Variants in ANO3 observed in about 807,000 individuals in gnomAD.
The protein encoded by ANO3 is anoctamin 3.
In ANO3, 99 loss-of-function variants were observed where a neutral mutation model predicts 144.8. The observed-to-expected ratio is 0.68, with a 90% CI of 0.58 to 0.81. ANO3 has a LOEUF of 0.81. Ranked by LOEUF, ANO3 falls within the 30% of genes least tolerant of loss-of-function variation. The pLI is 0.00. For synonymous variants in ANO3, 414 were observed against 392.6 expected, an observed-to-expected ratio of 1.05 and a Z score of -0.64; for missense variants, 905 against 1,202.2, an observed-to-expected ratio of 0.75 and a Z score of 3.66.
upstream of ANO3, among the ~76,000 whole-genome samples, chr11:26,329,158 T>C (rs932616222): frequency 1.3e-5 from 2 of 152,168 alleles, no homozygotes; most frequent in Non-Finnish European, 2.9e-5. Flanking sequence ...TATCCATTCT[T>C]AAACTGTCCA....
chr11:26,381,401 A>G (rs1292037417), intron 1 of ANO3, among the ~76,000 whole-genome samples: 1 of 152,168 alleles, frequency 6.6e-6, no homozygotes. Flanking sequence ...ACTCATCATC[A>G]GTTAGGCCTC....
chr11:26,517,533 A>C (rs1861907350), intron 6 of ANO3, among the ~76,000 whole-genome samples: 1 of 151,976 alleles, frequency 6.6e-6, no homozygotes, highest in African/African-American at 2.4e-5. Flanking sequence ...ATCATTTCTC[A>C]CAGTAAAATT....
At chr11:26,450,626 T>C (rs1342547836) in intron 3 of ANO3, among the ~76,000 whole-genome samples, 1 of 152,176 alleles carries the variant, frequency 6.6e-6, no homozygotes, top group African/African-American at 2.4e-5. Flanking sequence ...ACTACTTGGG[T>C]ACACACCATC....
At chr11:26,484,806 G>T (rs756450786) in intron 4 of ANO3, among the ~76,000 whole-genome samples, 2 of 151,970 alleles carry the variant, frequency 1.3e-5, no homozygotes, top group African/African-American at 4.8e-5. Context: ...TATGCCCAAG[G>T]TCTTGGGAGC....
intron 14 of ANO3, among the ~76,000 whole-genome samples, chr11:26,593,486 G>A (rs556003159): frequency 8.5e-5 from 13 of 152,244 alleles, no homozygotes; most frequent in African/African-American, 2.4e-4. Context: ...AGAAGGCCGC[G>A]CCAGTGTCCT....
intron 14 of ANO3, among the ~76,000 whole-genome samples, chr11:26,574,457 G>C (rs1463806549): frequency 6.6e-6 from 1 of 152,122 alleles, no homozygotes; most frequent in African/African-American, 2.4e-5. Context: ...TTCACTGATA[G>C]CATATTTAGT....
intron 16 of ANO3, 76 bp from the exon 17 acceptor site, chr11:26,599,474 A>G: frequency 1.4e-6 from 2 of 1,438,068 alleles, no homozygotes; most frequent in East Asian, 2.3e-5. Context: ...GGGACAGTAG[A>G]TTTGATCTAC....
At chr11:26,419,808 G>A (rs1857699589) in intron 1 of ANO3, among the ~76,000 whole-genome samples, 1 of 152,092 alleles carries the variant, frequency 6.6e-6, no homozygotes, top group Non-Finnish European at 1.5e-5. Flanking sequence ...TTTTTATGGT[G>A]AGGAAGGTTT....
At chr11:26,565,420 CT>C (rs1565110158) in intron 14 of ANO3, 1 of 1,613,376 alleles carries the variant, frequency 6.2e-7, no homozygotes, top group South Asian at 1.1e-5. Flanking sequence ...GTGAAGTTTT[CT>C]GAAGACAGAG....
At chr11:26,427,552 A>C (rs894186346) in intron 1 of ANO3, 1 of 152,208 alleles carries the variant, frequency 6.6e-6, no homozygotes, top group Non-Finnish European at 1.5e-5. Context: ...CCATAAAAAT[A>C]TTCTATATGA....
upstream of ANO3, chr11:26,331,418 C>G (rs141844958): frequency 6.6e-6 from 1 of 152,132 alleles, no homozygotes; most frequent in African/African-American, 2.4e-5. Flanking sequence ...GTATCGGGTG[C>G]CTTCTCTTTC....
chr11:26,382,361 A>C (rs1856609578), intron 1 of ANO3, among the ~76,000 whole-genome samples: 1 of 152,162 alleles, frequency 6.6e-6, no homozygotes, highest in Admixed American at 6.5e-5. Context: ...TATACTTCCC[A>C]GTTTGCTGGG....
At chr11:26,315,686 C>CT (rs1564961787) in intron 1 of ANO3, among the ~76,000 whole-genome samples, 1,547 of 108,330 alleles carry the variant, frequency 0.014, 28 homozygotes, top group African/African-American at 0.042. Context: ...TCTATCTATC[C>CT]ATCTATCTAT....
In ANO3 at chr11:26,473,960, C is replaced by CT. The variant is rs374038150; in HGVS notation, c.432+10815dup. ...AGGCTAAAAACCCTCCAGTCAAATG[C>CT]TTTGTGTAGCACTCAGTATGTAACA... On this transcript the variant is annotated intron_variant, in intron 4 of 26. Coordinates refer to ENST00000256737, the MANE Select transcript of ANO3 (RefSeq NM_031418.4). 453 of 985,090 alleles carry CT rather than the reference C, an allele frequency of 4.6e-4. No individual in the cohort carries two copies. In the African/African-American group the frequency reaches 7.3e-3, roughly 16 times the overall value. 61.0% of individuals were successfully genotyped at this position (985,090 alleles called of 1,614,324 possible). A position where few individuals can be genotyped will look rare whatever the true frequency, so the allele number is the denominator to read the frequency against.
intron 12 of ANO3, among the ~76,000 whole-genome samples, chr11:26,548,406 A>G (rs1217196949): frequency 1.3e-5 from 2 of 151,910 alleles, no homozygotes; most frequent in East Asian, 3.9e-4. Flanking sequence ...AAAATTAAAA[A>G]TATGAAAAAT....
At chr11:26,349,312 A>G (rs1855574007) in intron 1 of ANO3, among the ~76,000 whole-genome samples, 1 of 152,202 alleles carries the variant, frequency 6.6e-6, no homozygotes, top group African/African-American at 2.4e-5. Flanking sequence ...AAATTAAAGT[A>G]AAAACAGGTA....
intron 1 of ANO3, among the ~76,000 whole-genome samples, chr11:26,287,806 T>C (rs1040251961): frequency 6.6e-6 from 1 of 152,170 alleles, no homozygotes; most frequent in Admixed American, 6.5e-5. Flanking sequence ...AAAAGAGCCC[T>C]GAAAAAATGT....
At chr11:26,496,518 T>C (rs1860947522) in intron 4 of ANO3, among the ~76,000 whole-genome samples, 1 of 152,240 alleles carries the variant, frequency 6.6e-6, no homozygotes, top group African/African-American at 2.4e-5. Context: ...CACTGTCTTG[T>C]GAACTCTTCA....
intron 18 of ANO3, 81 bp downstream of exon 18, chr11:26,624,579 T>C (rs145857255): frequency 1.9e-6 from 2 of 1,026,668 alleles, no homozygotes; most frequent in East Asian, 4.8e-5. Flanking sequence ...TTATATAATG[T>C]AGCATTTTAA....
Sources: gnomAD v4.1 joint callset for allele counts (sites outside exome capture counted in the v4.1 genomes callset) on GRCh38, gnomAD v4.1.1 for gene constraint, MANE v1.5 for transcripts, NCBI Gene and HGNC (gene_info 2026-07-23, HGNC 2026-07-21) for gene names.